The following FCHO2 variants were observed in gnomAD, a reference collection of about 807,000 sequenced individuals.
FCHO2 encodes the protein FCH and mu domain containing endocytic adaptor 2, also known as F-BAR domain only protein 2.
FCHO2 carries 43 observed loss-of-function variants against 114.1 expected under a neutral mutation model. The ratio of observed to expected loss-of-function variants is 0.38; its 90% CI spans 0.30 to 0.49. The LOEUF (loss-of-function observed/expected upper bound fraction) is 0.49, where lower values mean the gene tolerates loss of function less well. Among genes scored for constraint, FCHO2 ranks in the 20% least tolerant of loss-of-function variants. The pLI is 0.97. For synonymous variants in FCHO2, 293 were observed against 315.2 expected, an observed-to-expected ratio of 0.93 and a Z score of 0.75; for missense variants, 807 against 950.4, an observed-to-expected ratio of 0.85 and a Z score of 1.98.
At chr5:72,958,426 T>C (rs1751674027) in intron 1 of FCHO2, among the ~76,000 whole-genome samples, 1 of 152,222 alleles carries the variant, frequency 6.6e-6, no homozygotes, top group Admixed American at 6.5e-5. Context: ...CCAGTACCAT[T>C]TGTTGAAAAG....
chr5:73,042,134 T>C (rs1756833553), intron 11 of FCHO2, among the ~76,000 whole-genome samples: 1 of 152,182 alleles, frequency 6.6e-6, no homozygotes, highest in African/African-American at 2.4e-5. Context: ...TATTTTGTTT[T>C]ATATTTTGGC....
In FCHO2 at chr5:73,068,762, C is replaced by T; in HGVS notation, c.1562C>T (p.Ala521Val). 2 of 1,611,758 alleles carry T rather than the reference C, an allele frequency of 1.2e-6. No individual in the cohort carries two copies. Among genetic ancestry groups the T allele is most frequent in the Non-Finnish European group, 1.7e-6 (2 of 1,178,670 alleles). The part of the protein sequence containing the change: ...SISSSASLSA[A>V]NTPTVGVSRG... ...TCATCATCTGCTTCATTGAGTGCTG[C>T]CAATACTCCAACAGTAGGTAAGTGA... is the stretch of plus-strand genomic sequence containing the variant. The change falls in exon 19 of 26, where the codon GCC (alanine) becomes GTC (valine). Residue 521 changes from alanine (A) to valine (V), a missense_variant. Coordinates refer to ENST00000430046, the MANE Select transcript of FCHO2 (RefSeq NM_138782.3).
intron 7 of FCHO2, among the ~76,000 whole-genome samples, chr5:73,016,342 TTAAA>T (rs1475594590): frequency 6.8e-6 from 1 of 147,420 alleles, no homozygotes; most frequent in Admixed American, 6.8e-5. Context: ...TTTAAATTGT[TTAAA>T]TATTAAAAAA....
intron 5 of FCHO2, among the ~76,000 whole-genome samples, chr5:73,006,140 C>T (rs1356241869): frequency 6.6e-6 from 1 of 152,112 alleles, no homozygotes; most frequent in Non-Finnish European, 1.5e-5. Context: ...ATCTTAGTAA[C>T]ACTGTAGCAT....
chr5:73,035,903 G>C (rs1343814420), intron 9 of FCHO2, among the ~76,000 whole-genome samples: 2 of 152,074 alleles, frequency 1.3e-5, no homozygotes, highest in African/African-American at 2.4e-5. Flanking sequence ...GAGTGCACTG[G>C]CGTGATCTTG....
At chr5:72,961,407 GT>G (rs968300232) in intron 1 of FCHO2, among the ~76,000 whole-genome samples, 1 of 152,012 alleles carries the variant, frequency 6.6e-6, no homozygotes, top group African/African-American at 2.4e-5. Context: ...TGGGATACCT[GT>G]TTTTAGGATA....
chr5:72,990,283 A>G (rs1753749993), intron 3 of FCHO2, among the ~76,000 whole-genome samples, 195 bp from the exon 4 acceptor site: 1 of 152,122 alleles, frequency 6.6e-6, no homozygotes, highest in East Asian at 1.9e-4. Flanking sequence ...CTGAGGTCCA[A>G]AAATATTTTA....
rs1244962414 is a variant in FCHO2 at position 73,088,550 on chromosome 5, A to G, written c.*460A>G. 6.0e-6 allele frequency: 1 copy of G among 165,366 alleles called. No homozygotes were observed. The highest frequency in any genetic ancestry group is 2.4e-5 in the African/African-American group (1 of 41,682). 10.2% of individuals were successfully genotyped at this position (165,366 alleles called of 1,614,324 possible). A position where few individuals can be genotyped will look rare whatever the true frequency, so the allele number is the denominator to read the frequency against. ...GAACATGAATTCTAAGTTTTGGGTA[A>G]TGTTAACTCAGAACACTTAATCAAA... On this transcript the variant is annotated 3_prime_UTR_variant, in exon 26 of 26. Coordinates refer to ENST00000430046, the MANE Select transcript of FCHO2 (RefSeq NM_138782.3).
intron 8 of FCHO2, among the ~76,000 whole-genome samples, chr5:73,019,308 C>T (rs879426712): frequency 9.9e-5 from 15 of 152,176 alleles, no homozygotes; most frequent in African/African-American, 1.4e-4. Context: ...CACTTTGGGA[C>T]GCTGAGGCAG....
intron 19 of FCHO2, 22 bp from the exon 20 acceptor site, chr5:73,074,720 A>G (rs1423338688): frequency 6.3e-7 from 1 of 1,592,392 alleles, no homozygotes; most frequent in South Asian, 1.1e-5. Context: ...AGGATTTAAC[A>G]AGTTAATTGT....
intron 11 of FCHO2, among the ~76,000 whole-genome samples, chr5:73,047,141 C>T (rs571982188): frequency 6.6e-6 from 1 of 152,148 alleles, no homozygotes; most frequent in Admixed American, 6.5e-5. Context: ...ATTTTTGTCA[C>T]ATTTGCATTC....
intron 8 of FCHO2, among the ~76,000 whole-genome samples, chr5:73,019,224 A>T (rs1205627978): frequency 6.6e-6 from 1 of 152,236 alleles, no homozygotes; most frequent in African/African-American, 2.4e-5. Context: ...GGCTTCCATC[A>T]TTAACATTTG....
At chr5:72,956,439 C>G (rs2112568988) in intron 1 of FCHO2, among the ~76,000 whole-genome samples, 1 of 151,800 alleles carries the variant, frequency 6.6e-6, no homozygotes, top group Middle Eastern at 3.4e-3. Context: ...CCGGAGGCTC[C>G]CGGTGCCGCG....
intron 17 of FCHO2, among the ~76,000 whole-genome samples, chr5:73,063,611 G>A (rs1757941788): frequency 6.6e-6 from 1 of 151,906 alleles, no homozygotes; most frequent in Non-Finnish European, 1.5e-5. Flanking sequence ...AAATTTATAT[G>A]TGTCAGTTAT....
rs1307740456 is a variant in FCHO2 at position 73,010,695 on chromosome 5, G to A, written c.600+4146G>A. 2.6e-5 allele frequency among the ~76,000 whole-genome samples: 4 copies of A among 151,804 alleles called. No homozygotes were observed. In the South Asian group the frequency reaches 8.3e-4, roughly 32 times the overall value. ...AGTTCAAGACTAGACTTGCTAATAT[G>A]TTGAAATCCTGTCTCTACTAAAAAT... On this transcript the variant is annotated intron_variant, in intron 6 of 25. Transcript: ENST00000430046.
At chr5:73,001,901 G>A (rs1481337336) in intron 5 of FCHO2, among the ~76,000 whole-genome samples, 3 of 146,282 alleles carry the variant, frequency 2.1e-5, no homozygotes, top group Non-Finnish European at 3.0e-5. Context: ...GTGATACCCT[G>A]TCTCAAAAAA....
At chr5:73,035,860 T>C (rs258895) in intron 9 of FCHO2, among the ~76,000 whole-genome samples, 33,033 of 151,902 alleles carry the variant, frequency 0.22, 4,483 homozygotes, top group African/African-American at 0.38. Context: ...ATTCTTTTTT[T>C]TGAGACGGGG....
At chr5:72,997,494 A>G (rs1754184587) in intron 5 of FCHO2, 4 of 1,499,640 alleles carry the variant, frequency 2.7e-6, no homozygotes, top group Admixed American at 3.4e-5. Flanking sequence ...TACAGGAGCC[A>G]TCCAGACAAG....
intron 6 of FCHO2, among the ~76,000 whole-genome samples, chr5:73,014,311 T>G (rs1190247220): frequency 1.3e-5 from 2 of 150,010 alleles, no homozygotes; most frequent in African/African-American, 4.9e-5. Context: ...TTTTTTGAGA[T>G]GGAGTCTCAC....
Sources: gnomAD v4.1 joint callset for allele counts (sites outside exome capture counted in the v4.1 genomes callset) on GRCh38, gnomAD v4.1.1 for gene constraint, MANE v1.5 for transcripts, NCBI Gene and HGNC (gene_info 2026-07-23, HGNC 2026-07-21) for gene names.